Variants in CSMD1 observed in about 807,000 individuals in gnomAD.
The protein encoded by CSMD1 is CUB and Sushi multiple domains 1, also known as CUB and sushi domain-containing protein 1.
Under a neutral mutation model 417.5 loss-of-function variants are expected in CSMD1, and 213 were observed. That is an observed-to-expected ratio of 0.51 (90% CI 0.46 to 0.57). The LOEUF (loss-of-function observed/expected upper bound fraction) is 0.57. Ranked by LOEUF, CSMD1 falls within the 20% of genes least tolerant of loss-of-function variation. CSMD1 has a pLI of 0.00. For synonymous variants in CSMD1, 2,862 were observed against 1,736.8 expected (o/e 1.65, Z -16.11); for missense variants, 6,923 against 4,529.7 (o/e 1.53, Z -15.17).
At chr8:3,813,226 G>A (rs574934518) in intron 5 of CSMD1, among the ~76,000 whole-genome samples, 2 of 151,892 alleles carry the variant, frequency 1.3e-5, no homozygotes, top group East Asian at 2.0e-4. Context: ...AAAAAAGAGG[G>A]TGAAATTGTC....
chr8:4,334,563 G>T (rs978714338), intron 3 of CSMD1, among the ~76,000 whole-genome samples: 2 of 152,130 alleles, frequency 1.3e-5, no homozygotes, highest in Non-Finnish European at 2.9e-5. Context: ...ATGAAAGATT[G>T]ATGGATGACA....
chr8:4,036,534 G>A (rs1385431910), intron 3 of CSMD1, among the ~76,000 whole-genome samples: 1 of 152,136 alleles, frequency 6.6e-6, no homozygotes, highest in Non-Finnish European at 1.5e-5. Context: ...CCATAAAATT[G>A]AATATGAAAA....
intron 3 of CSMD1, among the ~76,000 whole-genome samples, chr8:4,244,650 A>G (rs1802594805): frequency 6.6e-6 from 1 of 152,156 alleles, no homozygotes; most frequent in Non-Finnish European, 1.5e-5. Flanking sequence ...AACTGATCCA[A>G]GTTATTACAT....
At chr8:4,284,497 C>T (rs62478589) in intron 3 of CSMD1, among the ~76,000 whole-genome samples, 267 of 151,536 alleles carry the variant, frequency 1.8e-3, no homozygotes, top group Non-Finnish European at 2.9e-3. Context: ...GTTGCTTTTG[C>T]GCACCATGCC....
chr8:4,509,905 G>C (rs933574754), intron 2 of CSMD1, among the ~76,000 whole-genome samples: 4 of 152,146 alleles, frequency 2.6e-5, no homozygotes, highest in African/African-American at 9.7e-5. Flanking sequence ...GGGTGTTTAT[G>C]TGGTTTACCT....
intron 3 of CSMD1, among the ~76,000 whole-genome samples, chr8:4,267,790 G>A (rs557024707): frequency 6.6e-6 from 1 of 151,984 alleles, no homozygotes; most frequent in Non-Finnish European, 1.5e-5. Context: ...TTGAACAATG[G>A]TATGAAAAGG....
intron 11 of CSMD1, among the ~76,000 whole-genome samples, chr8:3,489,160 G>A (rs1266397977): frequency 6.6e-6 from 1 of 152,114 alleles, no homozygotes; most frequent in African/African-American, 2.4e-5. Flanking sequence ...AGGATCAGCA[G>A]AAAACAACAG....
chr8:3,821,658 T>A (rs1801744404), intron 5 of CSMD1, among the ~76,000 whole-genome samples: 1 of 152,134 alleles, frequency 6.6e-6, no homozygotes, highest in African/African-American at 2.4e-5. Flanking sequence ...GGCACATGCC[T>A]GTAATCCCAA....
At chr8:3,335,902 C>T (rs1807231252) in intron 23 of CSMD1, among the ~76,000 whole-genome samples, 1 of 152,110 alleles carries the variant, frequency 6.6e-6, no homozygotes, top group Admixed American at 6.5e-5. Context: ...AGGTAGAAAC[C>T]TGATCCAAGG....
At chr8:4,457,995 G>T (rs1044279881) in intron 2 of CSMD1, among the ~76,000 whole-genome samples, 2 of 152,180 alleles carry the variant, frequency 1.3e-5, no homozygotes, top group Non-Finnish European at 2.9e-5. Flanking sequence ...CTTCCCCTGA[G>T]AGGTAGTGAC....
intron 5 of CSMD1, among the ~76,000 whole-genome samples, chr8:3,980,479 C>T (rs1323102032): frequency 6.6e-6 from 1 of 152,096 alleles, no homozygotes; most frequent in South Asian, 2.1e-4. Context: ...TGCCAAACTT[C>T]CTCACAATTC....
intron 1 of CSMD1, among the ~76,000 whole-genome samples, chr8:4,828,857 T>G (rs1169853723): frequency 6.6e-6 from 1 of 152,112 alleles, no homozygotes; most frequent in African/African-American, 2.4e-5. Flanking sequence ...CCACAGAACC[T>G]TCATCAGAAT....
At chr8:3,717,266 A>G (rs1246802685) in intron 6 of CSMD1, among the ~76,000 whole-genome samples, 1 of 152,192 alleles carries the variant, frequency 6.6e-6, no homozygotes, top group Non-Finnish European at 1.5e-5. Context: ...TCAGATTTTG[A>G]TTAATCAACT....
At chr8:4,789,898 T>A (rs1797600815) in intron 1 of CSMD1, among the ~76,000 whole-genome samples, 1 of 152,190 alleles carries the variant, frequency 6.6e-6, no homozygotes. Context: ...AGTAATAGAA[T>A]TTAGTAGTAG....
At chr8:4,216,180 G>A (rs1262468981) in intron 3 of CSMD1, among the ~76,000 whole-genome samples, 1 of 152,124 alleles carries the variant, frequency 6.6e-6, no homozygotes, top group African/African-American at 2.4e-5. Flanking sequence ...TATGACACTT[G>A]TGGCTTTGTC....
At chr8:3,115,430 G>C (rs924470484) in intron 42 of CSMD1, among the ~76,000 whole-genome samples, 1 of 152,132 alleles carries the variant, frequency 6.6e-6, no homozygotes, top group Non-Finnish European at 1.5e-5. Flanking sequence ...TCAAACTCCT[G>C]ACCTCAGGTG....
At chr8:3,262,206 T>TGCTC (rs1801127427) in intron 26 of CSMD1, among the ~76,000 whole-genome samples, 1 of 93,258 alleles carries the variant, frequency 1.1e-5, no homozygotes, top group Non-Finnish European at 2.5e-5. Context: ...TATATATATA[T>TGCTC]ATATATATAT....
chr8:3,385,579 T>C (rs1810957281), intron 18 of CSMD1, among the ~76,000 whole-genome samples: 1 of 152,162 alleles, frequency 6.6e-6, no homozygotes. Context: ...GTATATCCTG[T>C]TCTTGACTTT....
At chr8:4,083,633 G>C (rs916330831) in intron 3 of CSMD1, among the ~76,000 whole-genome samples, 1 of 152,094 alleles carries the variant, frequency 6.6e-6, no homozygotes, top group Non-Finnish European at 1.5e-5. Flanking sequence ...AAACTGGCTA[G>C]CCATATGTAG....
Sources: allele counts gnomAD v4.1 joint callset (sites outside exome capture counted in the v4.1 genomes callset), GRCh38; gene constraint gnomAD v4.1.1; transcripts MANE v1.5; gene names NCBI Gene and HGNC (gene_info 2026-07-23, HGNC 2026-07-21).